Variants in CDH13 observed in about 807,000 individuals in gnomAD.
The protein encoded by CDH13 is cadherin 13, also known as cadherin-13.
In CDH13, 24 loss-of-function variants were observed where a neutral mutation model predicts 63.8. The ratio of observed to expected loss-of-function variants is 0.38; its 90% confidence interval spans 0.27 to 0.53. The LOEUF (loss-of-function observed/expected upper bound fraction) is 0.53, where lower values mean the gene tolerates loss of function less well. Among genes scored for constraint, CDH13 ranks in the 20% least tolerant of loss-of-function variants. The pLI is 0.85. For missense variants in CDH13, 1,049 were observed against 903.1 expected (o/e 1.16, Z -2.07); for synonymous variants, 503 against 355.3 (o/e 1.42, Z -4.67).
chr16:83,180,757 G>A, intron 4 of CDH13: 1 of 737,072 alleles, frequency 1.4e-6, no homozygotes, highest in Non-Finnish European at 2.2e-6. Context: ...TCTAGGTAAT[G>A]TTCTTTAAGA....
intron 8 of CDH13, among the ~76,000 whole-genome samples, chr16:83,618,398 C>G (rs1172502372): frequency 2.0e-5 from 3 of 149,332 alleles, no homozygotes; most frequent in Non-Finnish European, 3.0e-5. Flanking sequence ...GAGCTTTAGC[C>G]TGGAGAACAG....
chr16:83,455,070 G>A (rs964210071), intron 6 of CDH13, among the ~76,000 whole-genome samples: 1 of 152,160 alleles, frequency 6.6e-6, no homozygotes, highest in Non-Finnish European at 1.5e-5. Context: ...CTTTAAAATC[G>A]GAGCCATTGT....
intron 5 of CDH13, among the ~76,000 whole-genome samples, chr16:83,249,873 A>G (rs994989239): frequency 6.6e-6 from 1 of 152,212 alleles, no homozygotes; most frequent in African/African-American, 2.4e-5. Context: ...TTCTGTTTGG[A>G]TGATAGCTTC....
At chr16:83,624,416 A>G (rs190113378) in intron 8 of CDH13, among the ~76,000 whole-genome samples, 111 of 148,118 alleles carry the variant, frequency 7.5e-4, no homozygotes, top group Admixed American at 2.3e-3. Flanking sequence ...CAATTTTTTC[A>G]CAGATGGCAG....
chr16:83,050,399 A>G (rs1018887782), intron 3 of CDH13, among the ~76,000 whole-genome samples: 2 of 152,122 alleles, frequency 1.3e-5, no homozygotes, highest in African/African-American at 4.8e-5. Flanking sequence ...GAACCACTTT[A>G]ATTCCCAGCA....
rs193006631 is a variant in CDH13 at position 83,702,901 on chromosome 16, G to A, written c.1538+24440G>A. On this transcript the variant is annotated intron_variant, in intron 10 of 13. Transcript: ENST00000567109. ...ACATATTACTGCATAAAAATAGCTC[G>A]TTACCACCTTAGCATAGGATGCATG... Among the ~76,000 whole-genome samples, 265 of 152,284 alleles carry A rather than the reference G, an allele frequency of 1.7e-3. 1 individual carries two copies. The highest frequency in any genetic ancestry group is 5.8e-3 in the African/African-American group (243 of 41,572).
chr16:83,765,074 A>G (rs536780076), intron 11 of CDH13, among the ~76,000 whole-genome samples: 3 of 152,292 alleles, frequency 2.0e-5, no homozygotes, highest in Admixed American at 6.5e-5. Flanking sequence ...AATTATCCCA[A>G]GCCACAAGTA....
At chr16:83,786,372 A>C (rs1410407454) in intron 13 of CDH13, among the ~76,000 whole-genome samples, 1 of 151,872 alleles carries the variant, frequency 6.6e-6, no homozygotes, top group African/African-American at 2.4e-5. Flanking sequence ...AACATTTTCA[A>C]ACTACGAATT....
At chr16:83,409,546 C>G (rs1484784477) in intron 6 of CDH13, among the ~76,000 whole-genome samples, 1 of 152,240 alleles carries the variant, frequency 6.6e-6, no homozygotes, top group Admixed American at 6.5e-5. Context: ...TGACTCAGAC[C>G]TCTGTCAATA....
intron 2 of CDH13, among the ~76,000 whole-genome samples, chr16:82,961,758 C>G (rs897902622): frequency 3.3e-5 from 5 of 152,092 alleles, no homozygotes; most frequent in Admixed American, 1.3e-4. Context: ...GTCTTTGGTT[C>G]TCAAGTTGGG....
chr16:82,726,934 T>C (rs1202632981), intron 1 of CDH13, among the ~76,000 whole-genome samples: 1 of 152,186 alleles, frequency 6.6e-6, no homozygotes, highest in African/African-American at 2.4e-5. Flanking sequence ...GACTTACTTA[T>C]TTACACAAAG....
intron 1 of CDH13, among the ~76,000 whole-genome samples, chr16:82,732,587 C>G (rs758260413): frequency 6.6e-6 from 1 of 152,180 alleles, no homozygotes; most frequent in South Asian, 2.1e-4. Flanking sequence ...AGATTTATCC[C>G]TCTTATTCTT....
chr16:83,140,532 C>T (rs2036485574), intron 4 of CDH13, among the ~76,000 whole-genome samples: 2 of 152,172 alleles, frequency 1.3e-5, no homozygotes, highest in South Asian at 2.1e-4. Context: ...TGGCTCACTA[C>T]AACCTCGCTG....
chr16:82,674,382 G>A (rs1009942977), intron 1 of CDH13, among the ~76,000 whole-genome samples: 1 of 152,156 alleles, frequency 6.6e-6, no homozygotes, highest in African/African-American at 2.4e-5. Flanking sequence ...TTGATTTGAG[G>A]TATTTGAAAT....
intron 1 of CDH13, among the ~76,000 whole-genome samples, chr16:82,673,907 C>G (rs1184474941): frequency 6.6e-6 from 1 of 152,186 alleles, no homozygotes; most frequent in South Asian, 2.1e-4. Context: ...CCAGGTCCGG[C>G]AATGTGTGCT....
intron 8 of CDH13, among the ~76,000 whole-genome samples, chr16:83,665,061 C>T (rs1449496321): frequency 1.3e-5 from 2 of 152,126 alleles, no homozygotes; most frequent in African/African-American, 2.4e-5. Context: ...ATATCTAATG[C>T]CGCTTTCCCT....
At chr16:82,752,136 G>A (rs1478278418) in intron 1 of CDH13, among the ~76,000 whole-genome samples, 1 of 152,172 alleles carries the variant, frequency 6.6e-6, no homozygotes, top group Non-Finnish European at 1.5e-5. Context: ...AGCTAACAAG[G>A]CAGGCCTGGG....
At chr16:83,323,089 G>A (rs374538506) in intron 5 of CDH13, among the ~76,000 whole-genome samples, 105 of 151,862 alleles carry the variant, frequency 6.9e-4, no homozygotes, top group African/African-American at 2.3e-3. Flanking sequence ...GTTAGCCCAC[G>A]GTCCCAGAAT....
At chr16:83,244,930 A>AC (rs1177186175) in intron 5 of CDH13, among the ~76,000 whole-genome samples, 2 of 152,006 alleles carry the variant, frequency 1.3e-5, no homozygotes, top group African/African-American at 4.8e-5. Context: ...AGAAGGAAAA[A>AC]CGGTGTTCAG....
Sources: gnomAD v4.1 joint callset for allele counts (sites outside exome capture counted in the v4.1 genomes callset) on GRCh38, gnomAD v4.1.1 for gene constraint, MANE v1.5 for transcripts, NCBI Gene and HGNC (gene_info 2026-07-23, HGNC 2026-07-21) for gene names.